Variants in ARFIP1 observed in about 807,000 individuals in gnomAD.
ARFIP1 encodes ARF interacting protein 1.
A neutral mutation model predicts 42.5 loss-of-function variants in ARFIP1; 24 were observed. The ratio of observed to expected loss-of-function variants is 0.57; its 90% CI spans 0.41 to 0.80. The LOEUF is 0.80. Among genes scored for constraint, ARFIP1 ranks in the 30% least tolerant of loss-of-function variants. The pLI, the probability that ARFIP1 is intolerant of heterozygous loss-of-function variation, is 0.00. For missense variants in ARFIP1, 354 were observed against 434.0 expected, an observed-to-expected ratio of 0.82 and a Z score of 1.64; for synonymous variants, 141 against 153.7, an observed-to-expected ratio of 0.92 and a Z score of 0.61.
chr4:152,847,859 T>C (rs1267240320), intron 2 of ARFIP1, among the ~76,000 whole-genome samples: 1 of 152,210 alleles, frequency 6.6e-6, no homozygotes, highest in African/African-American at 2.4e-5. Context: ...CTAGCTAAAA[T>C]GGAATTTTTC....
chr4:152,802,276 G>A (rs1474929673), intron 1 of ARFIP1, among the ~76,000 whole-genome samples: 3 of 152,122 alleles, frequency 2.0e-5, no homozygotes, highest in Non-Finnish European at 2.9e-5. Context: ...AGCCTTCATT[G>A]TCTGAAGCCA....
intron 2 of ARFIP1, among the ~76,000 whole-genome samples, chr4:152,836,768 TA>T (rs1731681495): frequency 6.6e-6 from 1 of 152,194 alleles, no homozygotes; most frequent in Admixed American, 6.5e-5. Flanking sequence ...AACTTTAGAA[TA>T]AAAAGTTTTA....
At chr4:152,800,728 AC>A (rs1728346007) in intron 1 of ARFIP1, among the ~76,000 whole-genome samples, 1 of 152,132 alleles carries the variant, frequency 6.6e-6, no homozygotes, top group Non-Finnish European at 1.5e-5. Flanking sequence ...CTTTTGTGTA[AC>A]TCAGACATCT....
intron 1 of ARFIP1, among the ~76,000 whole-genome samples, chr4:152,824,887 AC>A (rs1006507433): frequency 1.3e-5 from 2 of 152,114 alleles, no homozygotes; most frequent in African/African-American, 4.8e-5. Context: ...GCACTGCTAT[AC>A]ACCAACAACA....
At chr4:152,866,231 T>C (rs931414046) in intron 3 of ARFIP1, among the ~76,000 whole-genome samples, 1 of 152,226 alleles carries the variant, frequency 6.6e-6, no homozygotes, top group Non-Finnish European at 1.5e-5. Context: ...GAATTTTTCT[T>C]AGTACAGAAA....
chr4:152,865,537 G>A (rs62319917), intron 3 of ARFIP1, among the ~76,000 whole-genome samples: 3,453 of 152,274 alleles, frequency 0.023, 59 homozygotes, highest in Middle Eastern at 0.048. Flanking sequence ...GGAAATAGAC[G>A]TTTAGGATAA....
intron 2 of ARFIP1, chr4:152,850,698 G>C (rs542086338): frequency 6.6e-6 from 1 of 152,290 alleles, no homozygotes; most frequent in South Asian, 2.1e-4. Context: ...TTTTTAACAG[G>C]ATCCTCAGGT....
intron 1 of ARFIP1, among the ~76,000 whole-genome samples, chr4:152,814,600 G>C (rs886571635): frequency 8.5e-5 from 13 of 152,302 alleles, no homozygotes; most frequent in South Asian, 4.1e-4. Flanking sequence ...CTGAGGTGGA[G>C]GATTGCCTGA....
chr4:152,853,951 C>T lies in ARFIP1; in HGVS notation c.94-9655C>T, dbSNP rs185760304. Among the ~76,000 whole-genome samples the T allele has an allele frequency of 5.1e-3, 648 of 127,406 alleles. 3 individuals carry two copies. The highest frequency in any genetic ancestry group is 8.5e-3 in the Non-Finnish European group (532 of 62,706). 83.6% of individuals were successfully genotyped at this position (127,406 alleles called of 152,430 possible). ...TTTGAGACTGAGTCTCACTCTATCA[C>T]CCAGGCTGGAGTGCAGTGGGGCACG... On this transcript the variant is annotated intron_variant, in intron 2 of 8. Transcript: ENST00000353617.
At chr4:152,817,770 C>G (rs530911951) in intron 1 of ARFIP1, among the ~76,000 whole-genome samples, 3 of 152,266 alleles carry the variant, frequency 2.0e-5, no homozygotes, top group Admixed American at 2.0e-4. Context: ...AACCCCCTAA[C>G]AACCCAATTT....
At chr4:152,851,196 C>G (rs1732947587) in intron 2 of ARFIP1, among the ~76,000 whole-genome samples, 1 of 152,162 alleles carries the variant, frequency 6.6e-6, no homozygotes, top group African/African-American at 2.4e-5. Flanking sequence ...GCTTCCTGAT[C>G]TTAGCATATG....
intron 1 of ARFIP1, among the ~76,000 whole-genome samples, chr4:152,826,185 A>T (rs1291285502): frequency 2.0e-5 from 3 of 152,260 alleles, no homozygotes; most frequent in African/African-American, 7.2e-5. Flanking sequence ...GTATTGCAGC[A>T]CAGTTCACAG....
intron 2 of ARFIP1, among the ~76,000 whole-genome samples, chr4:152,849,410 T>A (rs1165208581): frequency 1.3e-5 from 2 of 152,232 alleles, no homozygotes; most frequent in South Asian, 2.1e-4. Context: ...ATGTCGTTTT[T>A]AAATTTTTTG....
intron 5 of ARFIP1, among the ~76,000 whole-genome samples, chr4:152,877,544 G>A (rs965447355): frequency 6.6e-6 from 1 of 152,180 alleles, no homozygotes; most frequent in Admixed American, 6.5e-5. Flanking sequence ...GGACTTTTGG[G>A]TTAAGACTTT....
At position 152,808,553 on chromosome 4, in the gene ARFIP1, C is replaced by T. The variant is rs553891257; in HGVS notation, c.-9-21072C>T. ...AGTCGTATGTTTAACTCAAATAGTACTGCCAAATAGTTTTCCAAAGTGATT... is the reference window on the plus strand; with the variant it reads ...AGTCGTATGTTTAACTCAAATAGTATTGCCAAATAGTTTTCCAAAGTGATT... On this transcript the variant is annotated intron_variant, in intron 1 of 8. Coordinates refer to ENST00000353617, the MANE Select transcript of ARFIP1 (RefSeq NM_001025595.3). Among the ~76,000 whole-genome samples the T allele has an allele frequency of 1.4e-4, 22 of 151,756 alleles. No homozygotes were observed. In the South Asian group the frequency reaches 4.4e-3, roughly 30 times the overall value.
chr4:152,870,187 C>G (rs1451319337), intron 3 of ARFIP1, among the ~76,000 whole-genome samples: 1 of 152,142 alleles, frequency 6.6e-6, no homozygotes, highest in Non-Finnish European at 1.5e-5. Flanking sequence ...TGAAGAAGGT[C>G]CTCTATGTCC....
chr4:152,805,156 A>G (rs111954846), intron 1 of ARFIP1, among the ~76,000 whole-genome samples: 2 of 152,346 alleles, frequency 1.3e-5, no homozygotes, highest in African/African-American at 4.8e-5. Flanking sequence ...TTGCTAGACC[A>G]TTTCAGAGTT....
At chr4:152,802,933 A>G (rs1728541361) in intron 1 of ARFIP1, among the ~76,000 whole-genome samples, 2 of 152,196 alleles carry the variant, frequency 1.3e-5, no homozygotes, top group African/African-American at 4.8e-5. Flanking sequence ...GAAAAATGTA[A>G]GTAGCATGAG....
chr4:152,856,969 A>G (rs1353078817), intron 2 of ARFIP1, among the ~76,000 whole-genome samples: 1 of 152,246 alleles, frequency 6.6e-6, no homozygotes, highest in African/African-American at 2.4e-5. Flanking sequence ...GAATGCTAAT[A>G]TTTAAAACTG....
Sources: allele counts gnomAD v4.1 joint callset (sites outside exome capture counted in the v4.1 genomes callset), GRCh38; gene constraint gnomAD v4.1.1; transcripts MANE v1.5; gene names NCBI Gene and HGNC (gene_info 2026-07-23, HGNC 2026-07-21).